The following UTP6 variants were observed in gnomAD, a reference collection of about 807,000 sequenced individuals.
The protein encoded by UTP6 is U3 small nucleolar RNA-associated protein 6 homolog.
A neutral mutation model predicts 96.5 loss-of-function variants in UTP6; 60 were observed. That is an observed-to-expected ratio of 0.62 (90% CI 0.51 to 0.77). The LOEUF is 0.77. Among genes scored for constraint, UTP6 ranks in the 30% least tolerant of loss-of-function variants. UTP6 has a pLI of 0.00. For synonymous variants in UTP6, 215 were observed against 240.1 expected (o/e 0.90, Z 0.96); for missense variants, 637 against 706.5 (o/e 0.90, Z 1.12).
intron 6 of UTP6, among the ~76,000 whole-genome samples, chr17:31,890,070 A>C (rs1911400572): frequency 6.6e-6 from 1 of 151,952 alleles, no homozygotes; most frequent in Non-Finnish European, 1.5e-5. Flanking sequence ...GCAGTGGCAC[A>C]AACAACAGCT....
chr17:31,885,444 C>T (rs1170601358), intron 9 of UTP6, among the ~76,000 whole-genome samples: 1 of 151,232 alleles, frequency 6.6e-6, no homozygotes, highest in Non-Finnish European at 1.5e-5. Flanking sequence ...CATACCCGGC[C>T]CAAACCTATT....
At chr17:31,897,496 G>A (rs1189340627) in intron 2 of UTP6, among the ~76,000 whole-genome samples, 1 of 134,712 alleles carries the variant, frequency 7.4e-6, no homozygotes, top group African/African-American at 2.8e-5. Flanking sequence ...CTCCCAGGCT[G>A]GGAGTGCAAT....
chr17:31,861,677 T>C lies in UTP6; in HGVS notation c.*1682A>G, dbSNP rs1465180115. 1 of 152,108 alleles carries C rather than the reference T, an allele frequency of 6.6e-6. No individual in the cohort carries two copies. The highest frequency in any genetic ancestry group is 1.5e-5 in the Non-Finnish European group (1 of 68,028). The allele number at this position is 152,108 out of a possible 1,614,324, so 9.4% of individuals were successfully genotyped here. On this transcript the variant is annotated 3_prime_UTR_variant, in exon 19 of 19. Transcript: ENST00000261708. ...AAAAAATTTTTAAATAGTCTAAGGA[T>C]GTAAAAAGATGAGAAACATAAAATA...
intron 10 of UTP6, 90 bp downstream of exon 10, chr17:31,884,334 C>T: frequency 9.5e-7 from 1 of 1,056,792 alleles, no homozygotes; most frequent in Non-Finnish European, 1.4e-6. Flanking sequence ...AGTGTGGTAT[C>T]TTCTTTCTCT....
Position 31,862,286 on chromosome 17 carries a change from C to T in UTP6, c.*1073G>A, listed in dbSNP as rs1346633189. On this transcript the variant is annotated 3_prime_UTR_variant, in exon 19 of 19. Coordinates refer to ENST00000261708, the MANE Select transcript of UTP6 (RefSeq NM_018428.3). The stretch of plus-strand genomic sequence containing the variant: ...CTCCAGCCTGGATGACAGAGCAAGG[C>T]TCCATCTCAAAAAAAAAAAGACAGT... 2 of 148,476 alleles carry T rather than the reference C, an allele frequency of 1.3e-5. No homozygotes were observed. The highest frequency in any genetic ancestry group is 2.9e-5 in the Non-Finnish European group (2 of 67,844). 9.2% of individuals were successfully genotyped at this position (148,476 alleles called of 1,614,324 possible). A position where few individuals can be genotyped will look rare whatever the true frequency, so the allele number is the denominator to read the frequency against.
chr17:31,871,432 T>C (rs2142293321), intron 16 of UTP6, among the ~76,000 whole-genome samples: 1 of 152,232 alleles, frequency 6.6e-6, no homozygotes, highest in African/African-American at 2.4e-5. Context: ...CTCATATAGC[T>C]ATGTTTAATA....
At position 31,887,289 on chromosome 17, in the gene UTP6, C is replaced by T; in HGVS notation, c.568G>A (p.Ala190Thr). Residue 190 changes from alanine (A) to threonine (T), a missense_variant, in exon 8 of 19, where the codon GCT (alanine) becomes ACT (threonine). Ala to Thr is a moderately conservative substitution (Grantham distance 58). Coordinates refer to ENST00000261708, the MANE Select transcript of UTP6 (RefSeq NM_018428.3). ...KEYFRMELMHAEKLRKEKEEF... is the reference protein window; with the variant it reads ...KEYFRMELMHTEKLRKEKEEF... The stretch of plus-strand genomic sequence containing the variant: ...TCCTTCTCCTTCCTCAGTTTTTCAG[C>T]ATGCATCAGCTCCATCCTAAAGTAC... 6.2e-7 allele frequency: 1 copy of T among 1,614,042 alleles called. No individual in the cohort carries two copies. Among genetic ancestry groups the T allele is most frequent in the Non-Finnish European group, 8.5e-7 (1 of 1,179,966 alleles).
chr17:31,863,356 T>G lies in UTP6; in HGVS notation c.*3A>C, dbSNP rs747741376. On this transcript the variant is annotated 3_prime_UTR_variant, in exon 19 of 19. Transcript: ENST00000261708. ...TTCACAAAGCTGACTGTATTCTTCA[T>G]CTTCATAAATGGCCAGTCTGATGCA... 3 of 1,612,376 alleles carry G rather than the reference T, an allele frequency of 1.9e-6. No homozygotes were observed. Among genetic ancestry groups the G allele is most frequent in the South Asian group, 2.2e-5 (2 of 90,580 alleles).
rs1910309159 is a variant in UTP6, at chr17:31,873,502, A to G, written c.1387-15T>C. ...AAGAGAGCTTTCTACAATTTAAAAG[A>G]AAAAAGAAAGAAGCTATGTGAGAAA... On this transcript the variant is annotated splice_polypyrimidine_tract_variant and intron_variant, in intron 15 of 18. Transcript: ENST00000261708. The G allele has an allele frequency of 1.2e-6, 2 of 1,608,668 alleles. No homozygotes were observed. The highest frequency in any genetic ancestry group is 2.2e-5 in the South Asian group (2 of 89,954).
At chr17:31,897,574 A>G (rs545619839) in intron 2 of UTP6, among the ~76,000 whole-genome samples, 1 of 150,990 alleles carries the variant, frequency 6.6e-6, no homozygotes, top group African/African-American at 2.4e-5. Context: ...TCAGCCCCTG[A>G]GTAGCTAGGA....
chr17:31,872,662 C>T (rs1910247225), intron 16 of UTP6, among the ~76,000 whole-genome samples: 1 of 151,812 alleles, frequency 6.6e-6, no homozygotes. Flanking sequence ...GGTGACAGAG[C>T]GAGAACCTGT....
chr17:31,870,677 A>G (rs1910111488), intron 16 of UTP6, among the ~76,000 whole-genome samples: 1 of 150,954 alleles, frequency 6.6e-6, no homozygotes, highest in Admixed American at 6.6e-5. Flanking sequence ...GCCCGCCACC[A>G]CATCTGACTA....
At chr17:31,898,324 C>T (rs1174778187) in intron 2 of UTP6, among the ~76,000 whole-genome samples, 1 of 151,888 alleles carries the variant, frequency 6.6e-6, no homozygotes, top group Non-Finnish European at 1.5e-5. Context: ...ATCACCAGGT[C>T]AGGAGTTCAA....
chr17:31,883,993 A>G (rs981015344), intron 10 of UTP6, among the ~76,000 whole-genome samples: 2 of 131,426 alleles, frequency 1.5e-5, no homozygotes, highest in African/African-American at 5.9e-5. Context: ...TTAACGTAAT[A>G]TGATATTAAT....
intron 12 of UTP6, 130 bp downstream of exon 12, chr17:31,878,572 C>T: frequency 2.1e-6 from 2 of 935,264 alleles, no homozygotes; most frequent in South Asian, 1.6e-5. Context: ...ACGTCACCCA[C>T]AAGGAGAGAG....
chr17:31,869,153 A>G (rs1033213973), intron 16 of UTP6, among the ~76,000 whole-genome samples: 1 of 152,112 alleles, frequency 6.6e-6, no homozygotes, highest in African/African-American at 2.4e-5. Flanking sequence ...ACAGAGTGGT[A>G]TATCATACAG....
chr17:31,872,869 C>T (rs1423151572), intron 16 of UTP6, among the ~76,000 whole-genome samples: 1 of 147,568 alleles, frequency 6.8e-6, no homozygotes, highest in Non-Finnish European at 1.5e-5. Flanking sequence ...TGGTGTCACA[C>T]ATCTGTAATC....
intron 4 of UTP6, 143 bp from the exon 5 acceptor site, chr17:31,892,937 C>A: frequency 1.1e-6 from 1 of 925,242 alleles, no homozygotes; most frequent in South Asian, 1.6e-5. Flanking sequence ...CTTTGTGAAG[C>A]CGAAGCGGGC....
chr17:31,899,661 A>T lies in UTP6; in HGVS notation c.162T>A (p.Phe54Leu), dbSNP rs535101116. 3 of 1,601,914 alleles carry T rather than the reference A, an allele frequency of 1.9e-6. No individual in the cohort carries two copies. In the Admixed American group the frequency reaches 5.2e-5, roughly 28 times the overall value. The change falls in exon 2 of 19, where the codon TTT becomes TTA. Residue 54 changes from phenylalanine to leucine, a missense_variant. Coordinates refer to ENST00000261708, the MANE Select transcript of UTP6 (RefSeq NM_018428.3). The stretch of plus-strand genomic sequence containing the variant: ...ACACACTTACTTGAACATAATTGAT[A>T]AAGTCTTCCTTGAAAAGGGTTCTTC... Reference protein sequence around the residue: ...IQRRTLFKEDFINYVQYEINL... With the variant: ...IQRRTLFKEDLINYVQYEINL...
Sources: gnomAD v4.1 joint callset for allele counts (sites outside exome capture counted in the v4.1 genomes callset) on GRCh38, gnomAD v4.1.1 for gene constraint, MANE v1.5 for transcripts, NCBI Gene and HGNC (gene_info 2026-07-23, HGNC 2026-07-21) for gene names.